The following ATP6V1C1 variants were observed in gnomAD, a reference collection of about 807,000 sequenced individuals.
ATP6V1C1 encodes V-type proton ATPase subunit C 1.
A neutral mutation model predicts 53.9 loss-of-function variants in ATP6V1C1; 45 were observed. The ratio of observed to expected loss-of-function variants is 0.83; its 90% confidence interval spans 0.66 to 1.07. The LOEUF is 1.07. Ranked by LOEUF, ATP6V1C1 falls within the 50% of genes least tolerant of loss-of-function variation. ATP6V1C1 has a pLI of 0.00. For missense variants in ATP6V1C1, 315 were observed against 440.3 expected, an observed-to-expected ratio of 0.72 and a Z score of 2.55; for synonymous variants, 153 against 155.2, an observed-to-expected ratio of 0.99 and a Z score of 0.11.
At chr8:103,052,562 C>T (rs1477784324) in intron 5 of ATP6V1C1, among the ~76,000 whole-genome samples, 169 bp from the exon 6 acceptor site, 1 of 151,932 alleles carries the variant, frequency 6.6e-6, no homozygotes, top group Non-Finnish European at 1.5e-5. Context: ...ATGAAGTCGG[C>T]TGTTTTTTAA....
At chr8:103,030,603 A>G (rs1256224336) in intron 1 of ATP6V1C1, among the ~76,000 whole-genome samples, 3 of 152,182 alleles carry the variant, frequency 2.0e-5, no homozygotes, top group Non-Finnish European at 4.4e-5. Flanking sequence ...TTTTTCCTGT[A>G]GACACTCTCT....
intron 5 of ATP6V1C1, among the ~76,000 whole-genome samples, chr8:103,052,255 T>C (rs2131396252): frequency 6.6e-6 from 1 of 152,228 alleles, no homozygotes; most frequent in Non-Finnish European, 1.5e-5. Flanking sequence ...TAGTTTAGTA[T>C]TCTTCTGAGA....
At chr8:103,064,917 A>T in intron 11 of ATP6V1C1, 106 bp downstream of exon 11, 2 of 931,786 alleles carry the variant, frequency 2.1e-6, no homozygotes, top group Non-Finnish European at 3.2e-6. Flanking sequence ...GATTTGGAGA[A>T]ATCAAAGGGC....
At chr8:103,066,476 G>T in intron 12 of ATP6V1C1, 29 bp downstream of exon 12, 1 of 1,500,858 alleles carries the variant, frequency 6.7e-7, no homozygotes, top group East Asian at 2.4e-5. Flanking sequence ...AGTAGAGTAA[G>T]AATTGAAGTG....
intron 11 of ATP6V1C1, among the ~76,000 whole-genome samples, chr8:103,065,793 C>T (rs1040221685): frequency 6.6e-6 from 1 of 152,094 alleles, no homozygotes; most frequent in Admixed American, 6.5e-5. Context: ...CCTGTAGTCC[C>T]AGCACTTTGG....
chr8:103,021,627 T>TG (rs991698280), intron 1 of ATP6V1C1, among the ~76,000 whole-genome samples: 707 of 22,044 alleles, frequency 0.032, 1 homozygote, highest in Middle Eastern at 0.1. Flanking sequence ...GGGTGTGTGT[T>TG]GGGGGGGGCG....
chr8:103,054,413 G>GC (rs1259102444), intron 7 of ATP6V1C1, among the ~76,000 whole-genome samples: 7 of 152,086 alleles, frequency 4.6e-5, no homozygotes, highest in Admixed American at 3.9e-4. Context: ...TCTATAAAGG[G>GC]CTAGATAGTA....
At chr8:103,057,405 C>G (rs887770640) in intron 8 of ATP6V1C1, among the ~76,000 whole-genome samples, 6 of 152,202 alleles carry the variant, frequency 3.9e-5, no homozygotes, top group Non-Finnish European at 5.9e-5. Context: ...TACTTCTATG[C>G]GAATGAAGAC....
At chr8:103,049,263 A>G (rs964972468) in intron 4 of ATP6V1C1, among the ~76,000 whole-genome samples, 9 of 152,184 alleles carry the variant, frequency 5.9e-5, no homozygotes, top group Non-Finnish European at 1.3e-4. Flanking sequence ...TTATTCACTC[A>G]TTTACAAGTA....
intron 1 of ATP6V1C1, among the ~76,000 whole-genome samples, chr8:103,023,384 T>C (rs945938646): frequency 6.6e-6 from 1 of 151,866 alleles, no homozygotes; most frequent in Non-Finnish European, 1.5e-5. Context: ...ACTGAAGGAT[T>C]TGAAGACAAG....
intron 10 of ATP6V1C1, 109 bp downstream of exon 10, chr8:103,063,337 T>C: frequency 1.4e-6 from 1 of 724,608 alleles, no homozygotes; most frequent in Non-Finnish European, 2.2e-6. Context: ...TTAAGACATT[T>C]GATTTTAGTT....
At chr8:103,051,186 G>A in intron 5 of ATP6V1C1, 42 bp downstream of exon 5, 1 of 1,396,132 alleles carries the variant, frequency 7.2e-7, no homozygotes, top group Non-Finnish European at 1.0e-6. Flanking sequence ...TTGATTTGTA[G>A]TGGCTTTGCT....
At chr8:103,030,158 T>A (rs74938780) in intron 1 of ATP6V1C1, among the ~76,000 whole-genome samples, 2 of 152,090 alleles carry the variant, frequency 1.3e-5, no homozygotes, top group African/African-American at 4.8e-5. Flanking sequence ...TTTTTTTTTT[T>A]AAACAAAAAT....
intron 2 of ATP6V1C1, among the ~76,000 whole-genome samples, chr8:103,041,349 C>T (rs1816997370): frequency 6.6e-6 from 1 of 152,138 alleles, no homozygotes; most frequent in South Asian, 2.1e-4. Context: ...TACCATGGCA[C>T]CTACTTAATC....
intron 8 of ATP6V1C1, 133 bp downstream of exon 8, chr8:103,056,069 G>T: frequency 1.3e-6 from 1 of 775,594 alleles, no homozygotes. Flanking sequence ...ATGAACTCTA[G>T]TTGTAATAAT....
At chr8:103,029,140 AT>A (rs1276267450) in intron 1 of ATP6V1C1, among the ~76,000 whole-genome samples, 1 of 151,784 alleles carries the variant, frequency 6.6e-6, no homozygotes, top group Admixed American at 6.6e-5. Flanking sequence ...GCATATCCTT[AT>A]TTTCTTTCTT....
Position 103,071,261 on chromosome 8 carries a change from C to T in ATP6V1C1, c.*2514C>T, listed in dbSNP as rs962450191. On this transcript the variant is annotated 3_prime_UTR_variant, in exon 13 of 13. Transcript: ENST00000518738. ...GAGGATAGTGCTTAGATAACAGACT[C>T]ATTAAACATTTACTGAGTGTCTGTC... is the stretch of plus-strand genomic sequence containing the variant. The T allele has an allele frequency of 6.6e-6, 1 of 152,170 alleles. No individual in the cohort carries two copies. Among genetic ancestry groups the T allele is most frequent in the East Asian group, 1.9e-4 (1 of 5,194 alleles). 9.4% of individuals were successfully genotyped at this position (152,170 alleles called of 1,614,324 possible). A position where few individuals can be genotyped will look rare whatever the true frequency, so the allele number is the denominator to read the frequency against.
chr8:103,026,366 G>A (rs1211564172), intron 1 of ATP6V1C1, among the ~76,000 whole-genome samples: 4 of 152,132 alleles, frequency 2.6e-5, no homozygotes, highest in Non-Finnish European at 5.9e-5. Context: ...AATTGTAGTT[G>A]ATAAAATGAG....
intron 8 of ATP6V1C1, among the ~76,000 whole-genome samples, chr8:103,060,108 C>T (rs1361086475): frequency 1.3e-5 from 2 of 151,856 alleles, no homozygotes; most frequent in Non-Finnish European, 1.5e-5. Context: ...GCTGGGATTA[C>T]AGGCATGTGC....
Sources: gnomAD v4.1 joint callset for allele counts (sites outside exome capture counted in the v4.1 genomes callset) on GRCh38, gnomAD v4.1.1 for gene constraint, MANE v1.5 for transcripts, NCBI Gene and HGNC (gene_info 2026-07-23, HGNC 2026-07-21) for gene names.